The following NAALADL2 variants were observed in gnomAD, a reference collection of about 807,000 sequenced individuals.
NAALADL2 encodes N-acetylated alpha-linked acidic dipeptidase like 2, also known as inactive N-acetylated-alpha-linked acidic dipeptidase-like protein 2.
In NAALADL2, 76 loss-of-function variants were observed where a neutral mutation model predicts 87.2. The observed-to-expected ratio is 0.87, with a 90% CI of 0.72 to 1.05. The LOEUF is 1.05. NAALADL2 is among the 50% of genes least tolerant of loss of function. The probability of loss-of-function intolerance (pLI) is 0.00; values close to 1 mark genes in which losing one functional copy is unlikely to be tolerated. For synonymous variants in NAALADL2, 354 were observed against 331.0 expected (o/e 1.07, Z -0.75); for missense variants, 1,089 against 945.8 (o/e 1.15, Z -1.99).
intron 5 of NAALADL2, among the ~76,000 whole-genome samples, chr3:175,406,824 T>C (rs1265418406): frequency 1.3e-5 from 2 of 152,196 alleles, no homozygotes; most frequent in African/African-American, 4.8e-5. Context: ...TTTTTTTTCA[T>C]TCTTTTGTTA....
intron 5 of NAALADL2, among the ~76,000 whole-genome samples, chr3:175,342,941 G>A (rs908028674): frequency 3.3e-5 from 5 of 152,010 alleles, no homozygotes; most frequent in Admixed American, 1.3e-4. Flanking sequence ...CTTTAGTGTA[G>A]TGAAATTTAG....
chr3:175,652,728 T>C (rs1382930607), intron 11 of NAALADL2, among the ~76,000 whole-genome samples: 1 of 152,120 alleles, frequency 6.6e-6, no homozygotes, highest in Non-Finnish European at 1.5e-5. Context: ...TCCGCCCGCC[T>C]CGGCCTCCCA....
intron 2 of NAALADL2, among the ~76,000 whole-genome samples, chr3:174,612,042 A>G (rs1261207551): frequency 6.6e-6 from 1 of 151,714 alleles, no homozygotes; most frequent in Non-Finnish European, 1.5e-5. Flanking sequence ...TTCATGTTTG[A>G]AAGATATTTT....
At chr3:175,735,731 C>A (rs866905473) in intron 11 of NAALADL2, among the ~76,000 whole-genome samples, 5 of 152,102 alleles carry the variant, frequency 3.3e-5, no homozygotes, top group Admixed American at 6.5e-5. Flanking sequence ...ATTACCAGGT[C>A]CCTCCCATAA....
chr3:174,480,151 A>G (rs2108327822), intron 1 of NAALADL2, among the ~76,000 whole-genome samples: 1 of 152,148 alleles, frequency 6.6e-6, no homozygotes, highest in Non-Finnish European at 1.5e-5. Flanking sequence ...CAAGGAAGAG[A>G]GGATGAGAGA....
rs750556611 is a variant in NAALADL2 at position 175,772,267 on chromosome 3, A to AT, written c.2189+16860dup. Among the ~76,000 whole-genome samples, 981 of 145,806 alleles carry AT rather than the reference A, an allele frequency of 6.7e-3. 11 individuals are homozygous for AT. The highest frequency in any genetic ancestry group is 0.037 in the South Asian group (169 of 4,614). On this transcript the variant is annotated intron_variant, in intron 13 of 13. Transcript: ENST00000454872. ...TGTGCTAGTTTATTCAGCTTTATTTATTTTTTTTTTTGTTGCAATCCCAAC... is the reference window on the plus strand; with the variant it reads ...TGTGCTAGTTTATTCAGCTTTATTTATTTTTTTTTTTTGTTGCAATCCCAAC...
intron 2 of NAALADL2, among the ~76,000 whole-genome samples, chr3:174,555,432 C>T (rs377216134): frequency 5.5e-4 from 83 of 151,880 alleles, no homozygotes; most frequent in African/African-American, 1.7e-3. Context: ...CCCGAGTAGC[C>T]GGGATTACAG....
chr3:174,998,727 G>A (rs1028445733), intron 1 of NAALADL2, among the ~76,000 whole-genome samples: 9 of 152,048 alleles, frequency 5.9e-5, no homozygotes, highest in Non-Finnish European at 1.3e-4. Flanking sequence ...ACTCATCTTA[G>A]GCCAGAATTT....
At chr3:174,486,487 T>C (rs745418722) in intron 1 of NAALADL2, among the ~76,000 whole-genome samples, 14 of 152,164 alleles carry the variant, frequency 9.2e-5, no homozygotes, top group East Asian at 1.9e-4. Context: ...TAGGTTTTCC[T>C]ACTCCACTAG....
chr3:175,033,290 C>T (rs1047842830), intron 1 of NAALADL2, among the ~76,000 whole-genome samples: 1 of 152,032 alleles, frequency 6.6e-6, no homozygotes, highest in Non-Finnish European at 1.5e-5. Context: ...CCCACATAAA[C>T]TTCTTCTCTG....
chr3:174,813,337 G>A (rs968440231), intron 3 of NAALADL2, among the ~76,000 whole-genome samples: 3 of 67,372 alleles, frequency 4.5e-5, no homozygotes, highest in South Asian at 5.1e-4. Context: ...GTTGGGCCAC[G>A]TTTAAAGTGG....
chr3:175,652,114 G>A (rs1406062350), intron 11 of NAALADL2, among the ~76,000 whole-genome samples: 1 of 152,176 alleles, frequency 6.6e-6, no homozygotes, highest in Non-Finnish European at 1.5e-5. Context: ...GCCACAAAAT[G>A]AAGATAATTC....
chr3:175,230,817 G>C (rs1434235070), intron 2 of NAALADL2, among the ~76,000 whole-genome samples: 6 of 152,164 alleles, frequency 3.9e-5, no homozygotes, highest in Admixed American at 3.9e-4. Context: ...GTCATAAAAA[G>C]ATGGCAAGAG....
At chr3:175,080,543 G>A (rs1157583130) in intron 1 of NAALADL2, among the ~76,000 whole-genome samples, 1 of 152,126 alleles carries the variant, frequency 6.6e-6, no homozygotes, top group Non-Finnish European at 1.5e-5. Context: ...TAAGCTTATC[G>A]AAGCAGAATT....
chr3:175,661,959 G>A (rs1039790097), intron 11 of NAALADL2, among the ~76,000 whole-genome samples: 7 of 151,734 alleles, frequency 4.6e-5, no homozygotes, highest in Non-Finnish European at 8.8e-5. Flanking sequence ...TCTTCCCAGG[G>A]TTGCTTTGGC....
intron 1 of NAALADL2, among the ~76,000 whole-genome samples, chr3:174,869,594 T>C (rs540651256): frequency 9.2e-5 from 14 of 152,020 alleles, no homozygotes; most frequent in African/African-American, 3.1e-4. Context: ...AAGCAAAGGG[T>C]GAGTTTATTT....
At chr3:175,259,917 A>G (rs1047817929) in intron 4 of NAALADL2, among the ~76,000 whole-genome samples, 5 of 152,062 alleles carry the variant, frequency 3.3e-5, no homozygotes, top group African/African-American at 9.7e-5. Flanking sequence ...AATGCCAGCT[A>G]CTTGGGAGAC....
chr3:174,811,504 A>G (rs1720205875), intron 3 of NAALADL2, among the ~76,000 whole-genome samples: 1 of 152,206 alleles, frequency 6.6e-6, no homozygotes, highest in Non-Finnish European at 1.5e-5. Context: ...TGGGGCATGC[A>G]ACCCTTAACT....
intron 2 of NAALADL2, among the ~76,000 whole-genome samples, chr3:174,642,358 T>C (rs938246673): frequency 1.5e-4 from 22 of 151,572 alleles, no homozygotes; most frequent in African/African-American, 5.3e-4. Context: ...AAAATTAGCC[T>C]GGCATGGTGG....
Sources: gnomAD v4.1 joint callset for allele counts (sites outside exome capture counted in the v4.1 genomes callset) on GRCh38, gnomAD v4.1.1 for gene constraint, MANE v1.5 for transcripts, NCBI Gene and HGNC (gene_info 2026-07-23, HGNC 2026-07-21) for gene names.